Variants in GAK observed in about 807,000 individuals in gnomAD.
GAK encodes cyclin-G-associated kinase.
A neutral mutation model predicts 143.9 loss-of-function variants in GAK; 79 were observed. That is an observed-to-expected ratio of 0.55 (90% confidence interval 0.46 to 0.66). GAK has a LOEUF of 0.66. Among genes scored for constraint, GAK ranks in the 30% least tolerant of loss-of-function variants. The pLI is 0.00. For synonymous variants in GAK, 881 were observed against 765.5 expected (o/e 1.15, Z -2.49); for missense variants, 1,693 against 1,779.7 (o/e 0.95, Z 0.88).
intron 15 of GAK, among the ~76,000 whole-genome samples, chr4:880,137 C>G (rs559847759): frequency 6.6e-6 from 1 of 151,640 alleles, no homozygotes; most frequent in East Asian, 2.0e-4. Flanking sequence ...GGTCCTCTTT[C>G]CATGGCTCTG....
intron 2 of GAK, among the ~76,000 whole-genome samples, chr4:913,224 A>G (rs1311919637): frequency 6.6e-6 from 1 of 152,280 alleles, no homozygotes; most frequent in Non-Finnish European, 1.5e-5. Flanking sequence ...TGCACAGTAC[A>G]GACCCTCCCA....
At chr4:864,979 C>A in intron 23 of GAK, 143 bp downstream of exon 23, 1 of 1,163,146 alleles carries the variant, frequency 8.6e-7, no homozygotes, top group Non-Finnish European at 1.2e-6. Context: ...GCCTTGTGTG[C>A]GGAGCCCGCA....
chr4:867,452 C>A lies in GAK; in HGVS notation c.2396-20G>T. The stretch of plus-strand genomic sequence containing the variant: ...TCTCTTCTGCGAAAAGGAAACAAAA[C>A]CACAGGCTAGTGAGACCACACGGCC... On this transcript the variant is annotated intron_variant, in intron 20 of 27. Coordinates refer to ENST00000314167, the MANE Select transcript of GAK (RefSeq NM_005255.4). 1 of 1,510,162 alleles carries A rather than the reference C, an allele frequency of 6.6e-7. No individual in the cohort carries two copies. The highest frequency in any genetic ancestry group is 8.9e-7 in the Non-Finnish European group (1 of 1,124,850). The allele number at this position is 1,510,162 out of a possible 1,614,324, so 93.5% of individuals were successfully genotyped here. A position where few individuals can be genotyped will look rare whatever the true frequency, so the allele number is the denominator to read the frequency against.
intron 22 of GAK, 90 bp from the exon 23 acceptor site, chr4:865,334 G>A (rs369072854): frequency 6.5e-7 from 1 of 1,541,052 alleles, no homozygotes; most frequent in Non-Finnish European, 8.9e-7. Flanking sequence ...AGGGCCCTAG[G>A]AGCGGACACC....
At chr4:852,415 G>T in intron 24 of GAK, 1 of 209,650 alleles carries the variant, frequency 4.8e-6, no homozygotes, top group Non-Finnish European at 9.7e-6. Flanking sequence ...ACTGCCTCTC[G>T]CAGCACATCA....
At chr4:906,996 C>T (rs1721191118) in intron 4 of GAK, among the ~76,000 whole-genome samples, 1 of 152,236 alleles carries the variant, frequency 6.6e-6, no homozygotes, top group African/African-American at 2.4e-5. Flanking sequence ...CTCATTCTCT[C>T]CCTGGCTCTT....
chr4:871,023 C>T (rs1447541328), intron 18 of GAK, 119 bp from the exon 19 acceptor site: 6 of 877,532 alleles, frequency 6.8e-6, no homozygotes, highest in Non-Finnish European at 8.4e-6. Flanking sequence ...GGGGCGAGAA[C>T]AACCAGGGCA....
At chr4:912,574 GAAGTCGCCTAC>G in intron 3 of GAK, 150 bp downstream of exon 3, 1 of 560,106 alleles carries the variant, frequency 1.8e-6, no homozygotes. Flanking sequence ...CTTCTTCCTA[GAAGTCGCCTAC>G]AACTAGGTTT....
rs190522337 is a variant in GAK, at chr4:924,878, G to C, written c.145+7165C>G. On this transcript the variant is annotated intron_variant, in intron 1 of 27. Coordinates refer to ENST00000314167, the MANE Select transcript of GAK (RefSeq NM_005255.4). Reference sequence around the variant, plus strand: ...TAGTGAGTGCTCTCCTGTGAGATCTGATTGGGTTGTGGTGGTGGAGTTCCC... The same window carrying C: ...TAGTGAGTGCTCTCCTGTGAGATCTCATTGGGTTGTGGTGGTGGAGTTCCC... 2.1e-3 allele frequency among the ~76,000 whole-genome samples: 316 copies of C among 150,926 alleles called. 2 individuals carry two copies. Among genetic ancestry groups the C allele is most frequent in the Admixed American group, 4.7e-3 (71 of 15,178 alleles).
At chr4:912,413 G>C in intron 3 of GAK, 1 of 383,370 alleles carries the variant, frequency 2.6e-6, no homozygotes, top group Non-Finnish European at 5.0e-6. Context: ...GTCTCCGGAG[G>C]AGCTGAGGGG....
intron 5 of GAK, among the ~76,000 whole-genome samples, chr4:900,477 T>C (rs1191804234): frequency 6.6e-6 from 1 of 152,096 alleles, no homozygotes; most frequent in Non-Finnish European, 1.5e-5. Context: ...ATTCAACCCT[T>C]CTGTTTCTGT....
At chr4:917,620 T>C (rs1472540440) in intron 1 of GAK, among the ~76,000 whole-genome samples, 2 of 152,244 alleles carry the variant, frequency 1.3e-5, no homozygotes, top group Non-Finnish European at 2.9e-5. Flanking sequence ...AGTGGTTTCC[T>C]GGGATGGGAA....
chr4:879,920 C>T (rs1018280902), intron 15 of GAK, among the ~76,000 whole-genome samples: 16 of 152,226 alleles, frequency 1.1e-4, no homozygotes, highest in South Asian at 6.2e-4. Context: ...TCAGCGATGT[C>T]GAAGGCGTTC....
chr4:869,625 ATGAATG>A (rs1712008896), intron 19 of GAK: 1 of 70,138 alleles, frequency 1.4e-5, no homozygotes, highest in Non-Finnish European at 2.8e-5. Flanking sequence ...CAGGGTACAC[ATGAATG>A]CACACACACA....
chr4:868,424 G>A (rs1022464019), intron 20 of GAK, 115 bp downstream of exon 20: 5 of 1,036,500 alleles, frequency 4.8e-6, no homozygotes, highest in African/African-American at 3.2e-5. Context: ...CCCCACTGAG[G>A]TGCAACTCAG....
chr4:883,411 T>C lies in GAK; in HGVS notation c.1308A>G (p.Glu436=). The stretch of plus-strand genomic sequence containing the variant: ...TGGAGTCCAGGAACAACCGCACATC[T>C]TCGATGTTGTTTTTGAGCGCTGACT... The part of the protein sequence containing the change: ...GVESALKNNI[E]DVRLFLDSKH... Residue 436 remains glutamate (E), a synonymous_variant, in exon 13 of 28, where the codon GAA becomes GAG. Transcript: ENST00000314167. The C allele has an allele frequency of 6.2e-7, 1 of 1,613,762 alleles. No homozygotes were observed. The highest frequency in any genetic ancestry group is 8.5e-7 in the Non-Finnish European group (1 of 1,179,996).
chr4:880,494 C>T (rs570980245), intron 15 of GAK, among the ~76,000 whole-genome samples: 47 of 152,286 alleles, frequency 3.1e-4, no homozygotes, highest in African/African-American at 1.1e-3. Context: ...CCCCCTTGCC[C>T]GGCCCTCACT....
intron 5 of GAK, among the ~76,000 whole-genome samples, 153 bp downstream of exon 5, chr4:904,484 T>C (rs1047310586): frequency 6.9e-6 from 1 of 145,746 alleles, no homozygotes; most frequent in Non-Finnish European, 1.5e-5. Flanking sequence ...TTGAGGTCCC[T>C]GTGGATGATG....
chr4:849,833 G>GCGCCCCCCCCCC, intron 27 of GAK, 59 bp from the exon 28 acceptor site: 1 of 1,190,152 alleles, frequency 8.4e-7, no homozygotes, highest in Non-Finnish European at 1.2e-6. Flanking sequence ...GGCGGGGCAG[G>GCGCCCCCCCCCC]ACCCCCCCCC....
Sources: allele counts gnomAD v4.1 joint callset (sites outside exome capture counted in the v4.1 genomes callset), GRCh38; gene constraint gnomAD v4.1.1; transcripts MANE v1.5; gene names NCBI Gene and HGNC (gene_info 2026-07-23, HGNC 2026-07-21).